Variants in SGCD observed in about 807,000 individuals in gnomAD.
SGCD encodes sarcoglycan delta.
Under a neutral mutation model 36.6 loss-of-function variants are expected in SGCD, and 18 were observed. The ratio of observed to expected loss-of-function variants is 0.49; its 90% confidence interval spans 0.34 to 0.73. SGCD has a LOEUF of 0.73. Among genes scored for constraint, SGCD ranks in the 30% least tolerant of loss-of-function variants. The pLI, the probability that SGCD is intolerant of heterozygous loss-of-function variation, is 0.01. For missense variants in SGCD, 387 were observed against 346.7 expected (o/e 1.12, Z -0.92); for synonymous variants, 133 against 130.6 (o/e 1.02, Z -0.12).
At chr5:156,352,602 A>AT (rs1352585300) in intron 3 of SGCD, among the ~76,000 whole-genome samples, 5 of 152,142 alleles carry the variant, frequency 3.3e-5, no homozygotes, top group African/African-American at 1.2e-4. Flanking sequence ...CCTGATTTCT[A>AT]TTTTAGTTTC....
intron 1 of SGCD, among the ~76,000 whole-genome samples, chr5:155,907,959 G>A (rs1169885331): frequency 6.6e-6 from 1 of 152,084 alleles, no homozygotes; most frequent in East Asian, 1.9e-4. Context: ...CAACTTCATT[G>A]TTGTTTAATT....
At chr5:156,694,335 T>A (rs1055969063) in intron 7 of SGCD, among the ~76,000 whole-genome samples, 1 of 152,230 alleles carries the variant, frequency 6.6e-6, no homozygotes, top group Non-Finnish European at 1.5e-5. Context: ...GCCTTGGTAT[T>A]CAGCATTCAC....
At chr5:156,055,954 C>T (rs1353239804) in intron 1 of SGCD, among the ~76,000 whole-genome samples, 1 of 146,056 alleles carries the variant, frequency 6.8e-6, no homozygotes, top group African/African-American at 2.5e-5. Flanking sequence ...CTAAAACTTA[C>T]AAAATGTGTT....
chr5:156,379,286 G>A (rs1305717537), intron 3 of SGCD, among the ~76,000 whole-genome samples: 31 of 152,154 alleles, frequency 2.0e-4, no homozygotes, highest in Admixed American at 2.0e-3. Context: ...TGGAGGATTA[G>A]AGTTGAAAGT....
the SGCD span, among the ~76,000 whole-genome samples, chr5:155,735,261 G>T: frequency 2.0e-5 from 3 of 152,164 alleles, no homozygotes; most frequent in East Asian, 5.8e-4. Context: ...TAACTATGTT[G>T]GTAGCTTTGG....
At chr5:155,819,835 G>T in the SGCD span, among the ~76,000 whole-genome samples, 1 of 152,114 alleles carries the variant, frequency 6.6e-6, no homozygotes, top group Non-Finnish European at 1.5e-5. Context: ...AGATACAAAT[G>T]TGCCAGTAAC....
intron 7 of SGCD, among the ~76,000 whole-genome samples, chr5:156,700,441 G>T (rs1432518299): frequency 1.3e-5 from 2 of 152,122 alleles, no homozygotes; most frequent in East Asian, 3.9e-4. Context: ...ACATCTACCT[G>T]TGTGACTACC....
chr5:156,538,019 G>T (rs1758192168), intron 4 of SGCD, among the ~76,000 whole-genome samples: 1 of 151,838 alleles, frequency 6.6e-6, no homozygotes, highest in South Asian at 2.1e-4. Flanking sequence ...TGGTGGTTCG[G>T]GTAGAGCTTT....
intron 1 of SGCD, among the ~76,000 whole-genome samples, chr5:156,095,552 G>A (rs373222290): frequency 2.6e-5 from 4 of 152,166 alleles, no homozygotes; most frequent in African/African-American, 7.2e-5. Context: ...TCCCCACAGA[G>A]TCTGGAACGG....
chr5:155,977,774 T>C (rs1176388810), intron 1 of SGCD, among the ~76,000 whole-genome samples: 1 of 152,126 alleles, frequency 6.6e-6, no homozygotes, highest in African/African-American at 2.4e-5. Context: ...ATGGTGGATA[T>C]TTTCATAAGT....
rs148480739 is a variant in SGCD, at chr5:156,473,880, C to T, written c.193-34721C>T. Among the ~76,000 whole-genome samples the T allele has an allele frequency of 3.9e-3, 587 of 151,838 alleles. 3 individuals are homozygous for T. The highest frequency in any genetic ancestry group is 6.1e-3 in the Non-Finnish European group (414 of 67,978). On this transcript the variant is annotated intron_variant, in intron 3 of 8. Coordinates refer to ENST00000337851, the MANE Select transcript of SGCD (RefSeq NM_000337.6). ...CACAAGGCTTGAGTGCTGTATGTGT[C>T]AAGAAGTAACCTATCCGATAAATAA...
the SGCD span, among the ~76,000 whole-genome samples, chr5:155,813,383 G>T: frequency 6.6e-6 from 1 of 152,244 alleles, no homozygotes. Context: ...ATTTTTGCTT[G>T]CATGCATGAA....
chr5:156,742,285 C>T (rs529785497), intron 7 of SGCD, among the ~76,000 whole-genome samples: 4 of 152,228 alleles, frequency 2.6e-5, no homozygotes, highest in African/African-American at 9.6e-5. Context: ...TATCTCTAGC[C>T]CCACATGTCC....
At chr5:156,332,724 C>T (rs1441271377) in intron 2 of SGCD, among the ~76,000 whole-genome samples, 1 of 152,162 alleles carries the variant, frequency 6.6e-6, no homozygotes, top group African/African-American at 2.4e-5. Flanking sequence ...AAAATTAGAA[C>T]CACCTCATCG....
At chr5:156,405,943 A>T (rs1421608358) in intron 3 of SGCD, among the ~76,000 whole-genome samples, 1 of 148,498 alleles carries the variant, frequency 6.7e-6, no homozygotes, top group Non-Finnish European at 1.5e-5. Context: ...TAAATAATTG[A>T]TCAACACGCC....
chr5:156,387,633 G>A (rs1042270990), intron 3 of SGCD, among the ~76,000 whole-genome samples: 6 of 152,134 alleles, frequency 3.9e-5, no homozygotes, highest in African/African-American at 1.4e-4. Flanking sequence ...GCATGACATG[G>A]CTTTATAAAA....
chr5:156,057,712 G>T (rs926324780), intron 1 of SGCD, among the ~76,000 whole-genome samples: 2 of 145,948 alleles, frequency 1.4e-5, no homozygotes, highest in Non-Finnish European at 3.1e-5. Flanking sequence ...AAAGAGTGAG[G>T]ATCCAAGTGA....
intron 1 of SGCD, among the ~76,000 whole-genome samples, chr5:156,055,635 A>G (rs1169713204): frequency 1.4e-5 from 2 of 146,362 alleles, no homozygotes; most frequent in African/African-American, 4.9e-5. Context: ...TGTTTAGACT[A>G]TATATTTTAA....
chr5:156,743,116 T>C (rs1217212406), intron 7 of SGCD, among the ~76,000 whole-genome samples: 1 of 151,282 alleles, frequency 6.6e-6, no homozygotes, highest in African/African-American at 2.4e-5. Context: ...ATCTTTTTTT[T>C]TTTTTTTTTT....
Sources: gnomAD v4.1 joint callset for allele counts (sites outside exome capture counted in the v4.1 genomes callset) on GRCh38, gnomAD v4.1.1 for gene constraint, MANE v1.5 for transcripts, NCBI Gene and HGNC (gene_info 2026-07-23, HGNC 2026-07-21) for gene names.